LOC400499: variants seen among roughly 807,000 people sequenced by gnomAD.
At chr16:11,375,591 G>A in the LOC400499 span, among the ~76,000 whole-genome samples, 1 of 151,974 alleles carries the variant, frequency 6.6e-6, no homozygotes, top group Non-Finnish European at 1.5e-5. Flanking sequence ...GGGATTACAG[G>A]CGTGAGCCAC....
chr16:11,404,751 C>T, the LOC400499 span: 2 of 398,950 alleles, frequency 5.0e-6, no homozygotes, highest in Non-Finnish European at 8.8e-6. Context: ...CCCAGAAAGG[C>T]TCCCGGTGAG....
the LOC400499 span, among the ~76,000 whole-genome samples, chr16:11,430,712 A>G: frequency 6.6e-6 from 1 of 152,208 alleles, no homozygotes; most frequent in Non-Finnish European, 1.5e-5. Flanking sequence ...TCAAAATAAA[A>G]GGTATTCCAA....
chr16:11,378,533 G>A, the LOC400499 span, among the ~76,000 whole-genome samples: 18 of 152,242 alleles, frequency 1.2e-4, no homozygotes, highest in South Asian at 3.5e-3. Flanking sequence ...CAAAGTGCTG[G>A]GATTACAGGT....
At chr16:11,443,330 C>CAAAA in the LOC400499 span, 388 of 260,844 alleles carry the variant, frequency 1.5e-3, no homozygotes, top group South Asian at 1.7e-3. Flanking sequence ...TCCTCAGTCT[C>CAAAA]AAAAAAAAAA....
chr16:11,387,096 CG>C, the LOC400499 span: 64 of 1,232,238 alleles, frequency 5.2e-5, no homozygotes, highest in African/African-American at 9.2e-4. Flanking sequence ...CGGCACAGCC[CG>C]GGGCAGGACT....
the LOC400499 span, among the ~76,000 whole-genome samples, chr16:11,410,195 TG>T: frequency 6.6e-6 from 1 of 152,322 alleles, no homozygotes; most frequent in Non-Finnish European, 1.5e-5. Flanking sequence ...GGCTCACGCC[TG>T]TAATCCCAAC....
chr16:11,399,860 A>G, the LOC400499 span: 4,320 of 398,314 alleles, frequency 0.011, 154 homozygotes, highest in African/African-American at 0.08. Flanking sequence ...GGGGACATGT[A>G]GGGGAGAGGA....
chr16:11,433,856 C>T, the LOC400499 span, among the ~76,000 whole-genome samples: 1 of 152,242 alleles, frequency 6.6e-6, no homozygotes, highest in Admixed American at 6.5e-5. Flanking sequence ...TGCCCTATAC[C>T]TTGCCCTATG....
chr16:11,409,825 T>A, the LOC400499 span, among the ~76,000 whole-genome samples: 29 of 152,306 alleles, frequency 1.9e-4, no homozygotes, highest in African/African-American at 6.3e-4. Flanking sequence ...CGTCTCTATA[T>A]TAATTCTTAA....
chr16:11,485,475 A>G, the LOC400499 span, among the ~76,000 whole-genome samples: 2 of 151,696 alleles, frequency 1.3e-5, no homozygotes, highest in East Asian at 3.9e-4. Context: ...CACCTGCACG[A>G]CCTCCCCTGG....
chr16:11,395,267 G>A, the LOC400499 span, among the ~76,000 whole-genome samples: 1 of 152,194 alleles, frequency 6.6e-6, no homozygotes, highest in Non-Finnish European at 1.5e-5. Context: ...CACTGGGTTG[G>A]GGTGAGCAAG....
chr16:11,389,017 G>A, the LOC400499 span, among the ~76,000 whole-genome samples: 4 of 152,204 alleles, frequency 2.6e-5, no homozygotes, highest in African/African-American at 7.2e-5. Context: ...AACTTGGGAG[G>A]CAGAGGTTGC....
the LOC400499 span, among the ~76,000 whole-genome samples, chr16:11,414,761 T>C: frequency 6.6e-6 from 1 of 152,224 alleles, no homozygotes; most frequent in Non-Finnish European, 1.5e-5. Flanking sequence ...TTGAAGTTGC[T>C]GAAATGACAC....
chr16:11,501,227 A>C, the LOC400499 span, among the ~76,000 whole-genome samples: 19 of 152,224 alleles, frequency 1.2e-4, no homozygotes, highest in Admixed American at 1.0e-3. Context: ...GTCCGTACCC[A>C]GTGCTCTGCT....
chr16:11,438,452 G>A, the LOC400499 span, among the ~76,000 whole-genome samples: 1 of 151,928 alleles, frequency 6.6e-6, no homozygotes, highest in Non-Finnish European at 1.5e-5. Flanking sequence ...CCAATACACA[G>A]GGAATGAACA....
At chr16:11,493,443 TTG>T in the LOC400499 span, among the ~76,000 whole-genome samples, 12 of 152,178 alleles carry the variant, frequency 7.9e-5, no homozygotes, top group African/African-American at 2.9e-4. Context: ...AATCATATGG[TTG>T]TGTTTTTGAT....
chr16:11,435,255 G>C, the LOC400499 span, among the ~76,000 whole-genome samples: 1 of 151,942 alleles, frequency 6.6e-6, no homozygotes, highest in African/African-American at 2.4e-5. Context: ...TGGGACTACA[G>C]GTGCACCCCA....
chr16:11,390,915 CT>C, the LOC400499 span, among the ~76,000 whole-genome samples: 2 of 152,212 alleles, frequency 1.3e-5, no homozygotes, highest in South Asian at 2.1e-4. Context: ...TAAATGCATC[CT>C]GTGTGAAAGC....
the LOC400499 span, among the ~76,000 whole-genome samples, chr16:11,378,138 C>G: frequency 6.6e-6 from 1 of 152,114 alleles, no homozygotes; most frequent in South Asian, 2.1e-4. Context: ...AGACTTGCCA[C>G]GTTGCCCAAG....
Sources: allele counts gnomAD v4.1 joint callset (sites outside exome capture counted in the v4.1 genomes callset), GRCh38; gene constraint gnomAD v4.1.1; transcripts MANE v1.5.